GRIK2: variants seen among roughly 807,000 people sequenced by gnomAD.
GRIK2 encodes the protein glutamate receptor ionotropic, kainate 2.
In GRIK2, 32 loss-of-function variants were observed where a neutral mutation model predicts 100.3. The observed-to-expected ratio is 0.32, with a 90% CI of 0.24 to 0.43. The LOEUF (loss-of-function observed/expected upper bound fraction) is 0.43. GRIK2 is among the 20% of genes least tolerant of loss of function. The pLI is 1.00. For missense variants in GRIK2, 843 were observed against 1,114.9 expected (o/e 0.76, Z 3.47); for synonymous variants, 417 against 389.4 (o/e 1.07, Z -0.83).
At chr6:102,034,150 G>T (rs556061546) in intron 14 of GRIK2, among the ~76,000 whole-genome samples, 2 of 151,358 alleles carry the variant, frequency 1.3e-5, no homozygotes, top group South Asian at 4.2e-4. Context: ...ATTTCTACCC[G>T]GTCTTAGCCC....
intron 2 of GRIK2, among the ~76,000 whole-genome samples, chr6:101,524,888 C>T (rs1408994022): frequency 3.3e-5 from 5 of 151,932 alleles, no homozygotes; most frequent in Non-Finnish European, 7.4e-5. Context: ...CCTGACACTA[C>T]GCCTGGCTAA....
intron 11 of GRIK2, among the ~76,000 whole-genome samples, chr6:101,860,465 A>G (rs1200533697): frequency 6.6e-6 from 1 of 152,220 alleles, no homozygotes; most frequent in Non-Finnish European, 1.5e-5. Flanking sequence ...ATGCCTCTCC[A>G]TGGATTCCAT....
chr6:102,019,350 G>A (rs1206451908), intron 14 of GRIK2, among the ~76,000 whole-genome samples: 1 of 152,016 alleles, frequency 6.6e-6, no homozygotes, highest in Non-Finnish European at 1.5e-5. Context: ...AAGTAGCTGT[G>A]ACATTTACCT....
At chr6:101,694,192 C>T (rs1300746496) in intron 7 of GRIK2, among the ~76,000 whole-genome samples, 10 of 151,968 alleles carry the variant, frequency 6.6e-5, no homozygotes, top group African/African-American at 2.4e-4. Context: ...AACAAAAATG[C>T]CAAGCTGGTT....
chr6:101,870,787 C>T (rs539103781), intron 11 of GRIK2, among the ~76,000 whole-genome samples: 2 of 151,780 alleles, frequency 1.3e-5, no homozygotes, highest in South Asian at 2.1e-4. Flanking sequence ...TCATAGCTAT[C>T]GAATAATAGA....
At chr6:101,856,754 G>A (rs1017121971) in intron 10 of GRIK2, among the ~76,000 whole-genome samples, 3 of 152,000 alleles carry the variant, frequency 2.0e-5, no homozygotes, top group Non-Finnish European at 4.4e-5. Flanking sequence ...TTGGATGAGT[G>A]GGTTGTTAGA....
chr6:101,877,157 ATGTT>A (rs2128451497), intron 11 of GRIK2, among the ~76,000 whole-genome samples: 2 of 151,914 alleles, frequency 1.3e-5, no homozygotes, highest in South Asian at 4.1e-4. Context: ...ACATATATAT[ATGTT>A]TATGTTTATG....
At chr6:101,628,413 TAA>T (rs1236412509) in intron 4 of GRIK2, among the ~76,000 whole-genome samples, 8 of 152,092 alleles carry the variant, frequency 5.3e-5, no homozygotes, top group African/African-American at 1.9e-4. Context: ...AATACATTAT[TAA>T]GAGTCCTTAA....
intron 2 of GRIK2, among the ~76,000 whole-genome samples, chr6:101,482,974 TAAAC>T (rs748838760): frequency 3.9e-5 from 6 of 152,212 alleles, no homozygotes; most frequent in African/African-American, 1.2e-4. Flanking sequence ...GTAGTATTAA[TAAAC>T]AATTATTTAC....
At chr6:101,403,709 T>C (rs1344663352) in intron 2 of GRIK2, among the ~76,000 whole-genome samples, 3 of 152,172 alleles carry the variant, frequency 2.0e-5, no homozygotes, top group African/African-American at 7.2e-5. Flanking sequence ...TTTTTCCTCC[T>C]TTGAGAGGTG....
chr6:101,977,077 C>T (rs1793431386), intron 14 of GRIK2, among the ~76,000 whole-genome samples: 1 of 151,656 alleles, frequency 6.6e-6, no homozygotes, highest in South Asian at 2.1e-4. Flanking sequence ...AGGAAGTAAC[C>T]AGGCAAGTAG....
Position 101,984,186 on chromosome 6 carries a change from TA to T in GRIK2, c.2086-51153del, listed in dbSNP as rs1353804849. 4.0e-5 allele frequency among the ~76,000 whole-genome samples: 6 copies of T among 151,840 alleles called. No homozygotes were observed. In the East Asian group the frequency reaches 1.2e-3, roughly 30 times the overall value. The stretch of plus-strand genomic sequence containing the variant: ...AATTATTAATTTATGAATTACCTTA[TA>T]AGTGCTTATTTAATGGGAAAAGACC... On this transcript the variant is annotated intron_variant, in intron 14 of 16. Coordinates refer to ENST00000369134, the MANE Select transcript of GRIK2 (RefSeq NM_021956.5).
At chr6:101,659,564 G>A (rs1163185191) in intron 4 of GRIK2, among the ~76,000 whole-genome samples, 1 of 152,110 alleles carries the variant, frequency 6.6e-6, no homozygotes, top group Admixed American at 6.6e-5. Context: ...TCTTCATAGT[G>A]TCGATGGTCT....
At chr6:101,527,740 G>A (rs1020763445) in intron 2 of GRIK2, among the ~76,000 whole-genome samples, 1 of 152,098 alleles carries the variant, frequency 6.6e-6, no homozygotes, top group Non-Finnish European at 1.5e-5. Flanking sequence ...TACTTTAGAG[G>A]TACAGTCTAG....
At chr6:101,520,580 A>G (rs961416112) in intron 2 of GRIK2, among the ~76,000 whole-genome samples, 1 of 152,150 alleles carries the variant, frequency 6.6e-6, no homozygotes, top group East Asian at 1.9e-4. Context: ...AAGCTCTCAA[A>G]TCTCATTGAA....
At chr6:101,581,775 A>T (rs1189171560) in intron 2 of GRIK2, among the ~76,000 whole-genome samples, 1 of 152,164 alleles carries the variant, frequency 6.6e-6, no homozygotes, top group Non-Finnish European at 1.5e-5. Context: ...TTAGAAGTAA[A>T]ATACTAAATA....
At chr6:101,971,630 T>C (rs1263339899) in intron 14 of GRIK2, among the ~76,000 whole-genome samples, 2 of 151,956 alleles carry the variant, frequency 1.3e-5, no homozygotes, top group Non-Finnish European at 2.9e-5. Context: ...TTTGTGACAT[T>C]TGTTCAGTGG....
chr6:101,934,068 C>T (rs114514891), intron 14 of GRIK2, among the ~76,000 whole-genome samples: 1,708 of 151,666 alleles, frequency 0.011, 33 homozygotes, highest in African/African-American at 0.039. Flanking sequence ...AATTCCAGCT[C>T]ATTTATCTTC....
At chr6:102,005,826 T>C (rs947971622) in intron 14 of GRIK2, among the ~76,000 whole-genome samples, 1 of 152,052 alleles carries the variant, frequency 6.6e-6, no homozygotes, top group Admixed American at 6.6e-5. Context: ...TAAGTTTCTG[T>C]CAGTTTTGGA....
Sources: allele counts gnomAD v4.1 joint callset (sites outside exome capture counted in the v4.1 genomes callset), GRCh38; gene constraint gnomAD v4.1.1; transcripts MANE v1.5; gene names NCBI Gene and HGNC (gene_info 2026-07-23, HGNC 2026-07-21).